CTNND2: variants seen among roughly 807,000 people sequenced by gnomAD.
The protein encoded by CTNND2 is catenin delta-2.
A neutral mutation model predicts 144.4 loss-of-function variants in CTNND2; 22 were observed. The ratio of observed to expected loss-of-function variants is 0.15; its 90% CI spans 0.11 to 0.22. The LOEUF is 0.22. Ranked by LOEUF, CTNND2 falls within the 10% of genes least tolerant of loss-of-function variation. The pLI, the probability that CTNND2 is intolerant of heterozygous loss-of-function variation, is 1.00. For synonymous variants in CTNND2, 751 were observed against 695.6 expected (o/e 1.08, Z -1.25); for missense variants, 1,353 against 1,618.8 (o/e 0.84, Z 2.82).
chr5:11,354,556 C>T (rs12655574), intron 8 of CTNND2, among the ~76,000 whole-genome samples: 13,131 of 152,128 alleles, frequency 0.086, 687 homozygotes, highest in African/African-American at 0.14. Context: ...TATACACTTG[C>T]AACATTTCTG....
chr5:11,721,770 G>A (rs72734944), intron 2 of CTNND2, among the ~76,000 whole-genome samples: 19 of 152,196 alleles, frequency 1.2e-4, no homozygotes, highest in African/African-American at 4.3e-4. Context: ...CATGGTGACT[G>A]GTTTCTAAGA....
At chr5:11,172,372 C>T (rs1760020296) in intron 11 of CTNND2, among the ~76,000 whole-genome samples, 2 of 152,216 alleles carry the variant, frequency 1.3e-5, no homozygotes, top group Non-Finnish European at 2.9e-5. Flanking sequence ...GATCTTCATA[C>T]TTTAGCCTAA....
intron 1 of CTNND2, among the ~76,000 whole-genome samples, chr5:11,871,566 T>C (rs527550969): frequency 1.3e-5 from 2 of 152,330 alleles, no homozygotes; most frequent in East Asian, 3.9e-4. Flanking sequence ...TAAAAGAATT[T>C]GTATTTTAAA....
intron 12 of CTNND2, among the ~76,000 whole-genome samples, chr5:11,126,787 T>A (rs1754721394): frequency 6.6e-6 from 1 of 152,250 alleles, no homozygotes; most frequent in South Asian, 2.1e-4. Context: ...CCTTAAGTTG[T>A]AATTCTGTAA....
intron 10 of CTNND2, among the ~76,000 whole-genome samples, chr5:11,207,688 C>T (rs1580589564): frequency 6.6e-6 from 1 of 152,308 alleles, no homozygotes; most frequent in Non-Finnish European, 1.5e-5. Context: ...AAACCCACCA[C>T]TCGCCTTTGT....
intron 11 of CTNND2, among the ~76,000 whole-genome samples, chr5:11,170,661 C>A (rs1313915380): frequency 6.6e-6 from 1 of 152,064 alleles, no homozygotes; most frequent in African/African-American, 2.4e-5. Context: ...TTGGGGTAAT[C>A]AAAAAACCCA....
intron 9 of CTNND2, among the ~76,000 whole-genome samples, chr5:11,322,891 T>C (rs1312690156): frequency 6.6e-6 from 1 of 152,162 alleles, no homozygotes; most frequent in African/African-American, 2.4e-5. Flanking sequence ...GGGCAATTTG[T>C]TGAAAGAAAC....
chr5:11,528,746 G>C (rs182990054), intron 3 of CTNND2, among the ~76,000 whole-genome samples: 1 of 152,318 alleles, frequency 6.6e-6, no homozygotes, highest in African/African-American at 2.4e-5. Flanking sequence ...CCTGGAGTCT[G>C]AACCAGGGGC....
At position 11,449,104 on chromosome 5, in the gene CTNND2, A is replaced by T. The variant is rs1177864886; in HGVS notation, c.288-37035T>A. Among the ~76,000 whole-genome samples the T allele has an allele frequency of 2.0e-5, 3 of 152,078 alleles. No homozygotes were observed. In the East Asian group the frequency reaches 5.8e-4, roughly 29 times the overall value. On this transcript the variant is annotated intron_variant, in intron 3 of 21. Transcript: ENST00000304623. ...GAAACACAATTGTCTAGGTATCTAAAATTTTCATTTGCTGTGAATTTCAAT... is the reference window on the plus strand; with the variant it reads ...GAAACACAATTGTCTAGGTATCTAATATTTTCATTTGCTGTGAATTTCAAT...
chr5:10,986,229 T>G (rs1031505116), intron 20 of CTNND2, among the ~76,000 whole-genome samples: 4 of 152,228 alleles, frequency 2.6e-5, no homozygotes, highest in Admixed American at 2.6e-4. Context: ...ATAGTAAATT[T>G]TATGTTTTAT....
intron 3 of CTNND2, among the ~76,000 whole-genome samples, chr5:11,504,228 G>C (rs1213503011): frequency 6.6e-6 from 1 of 152,166 alleles, no homozygotes; most frequent in Non-Finnish European, 1.5e-5. Context: ...TCTACTCCTT[G>C]GATAAAGGCA....
intron 10 of CTNND2, among the ~76,000 whole-genome samples, chr5:11,228,369 A>AC (rs1158219160): frequency 3.4e-5 from 5 of 146,408 alleles, no homozygotes; most frequent in African/African-American, 8.0e-5. Flanking sequence ...AAAAAAAAAA[A>AC]AAAAAAAAAA....
Position 11,785,656 on chromosome 5 carries a change from GAA to G in CTNND2, c.38-53386_38-53385del, listed in dbSNP as rs5865966. On this transcript the variant is annotated intron_variant, in intron 1 of 21. Coordinates refer to ENST00000304623, the MANE Select transcript of CTNND2 (RefSeq NM_001332.4). ...TCCCAAACTCGCAGGTTAAATAGTG[GAA>G]AAAAAAAAATCCTAAAAATTATTAT... Among the ~76,000 whole-genome samples the G allele has an allele frequency of 4.6e-4, 70 of 151,200 alleles. 1 individual carries two copies. The highest frequency in any genetic ancestry group is 3.4e-3 in the Middle Eastern group (1 of 294).
intron 7 of CTNND2, among the ~76,000 whole-genome samples, chr5:11,378,565 G>A (rs1432163422): frequency 6.6e-6 from 1 of 152,226 alleles, no homozygotes; most frequent in Non-Finnish European, 1.5e-5. Context: ...AGAGTGAGCA[G>A]AATGTTCGTG....
At chr5:11,872,226 T>C (rs1735195383) in intron 1 of CTNND2, among the ~76,000 whole-genome samples, 1 of 152,234 alleles carries the variant, frequency 6.6e-6, no homozygotes, top group South Asian at 2.1e-4. Flanking sequence ...TCCTTTTTTA[T>C]GGCTGTATAG....
chr5:11,774,762 C>A (rs1403203732), intron 1 of CTNND2, among the ~76,000 whole-genome samples: 1 of 152,012 alleles, frequency 6.6e-6, no homozygotes, highest in East Asian at 1.9e-4. Context: ...GTACGATTTT[C>A]TTCAAGGACT....
intron 2 of CTNND2, among the ~76,000 whole-genome samples, chr5:11,649,567 A>G (rs965654040): frequency 6.6e-6 from 1 of 152,134 alleles, no homozygotes; most frequent in Non-Finnish European, 1.5e-5. Context: ...CACCTGCCTC[A>G]GCCTCCCAAA....
chr5:11,632,958 T>C (rs943907170), intron 2 of CTNND2, among the ~76,000 whole-genome samples: 2 of 151,908 alleles, frequency 1.3e-5, no homozygotes, highest in African/African-American at 4.8e-5. Flanking sequence ...ACATGAACAA[T>C]AGACAGAAGA....
At position 11,864,624 on chromosome 5, in the gene CTNND2, T is replaced by G. The variant is rs75178170; in HGVS notation, c.37+39193A>C. Among the ~76,000 whole-genome samples, 1,501 of 152,286 alleles carry G rather than the reference T, an allele frequency of 9.9e-3. 8 individuals are homozygous for G. The highest frequency in any genetic ancestry group is 0.012 in the Non-Finnish European group (824 of 68,016). The stretch of plus-strand genomic sequence containing the variant: ...AGGCAGGCTTTCTCAGCCACAGGAC[T>G]GCTAACATCACAGGACAGATAACTG... On this transcript the variant is annotated intron_variant, in intron 1 of 21. Transcript: ENST00000304623.
Sources: allele counts gnomAD v4.1 joint callset (sites outside exome capture counted in the v4.1 genomes callset), GRCh38; gene constraint gnomAD v4.1.1; transcripts MANE v1.5; gene names NCBI Gene and HGNC (gene_info 2026-07-23, HGNC 2026-07-21).